MYO3B: variants seen among roughly 807,000 people sequenced by gnomAD.
MYO3B encodes the protein myosin-IIIb.
Under a neutral mutation model 174.6 loss-of-function variants are expected in MYO3B, and 156 were observed. That is an observed-to-expected ratio of 0.89 (90% confidence interval 0.78 to 1.02). MYO3B has a LOEUF of 1.02. Ranked by LOEUF, MYO3B falls within the 50% of genes least tolerant of loss-of-function variation. MYO3B has a pLI of 0.00. For synonymous variants in MYO3B, 563 were observed against 569.1 expected (o/e 0.99, Z 0.15); for missense variants, 1,632 against 1,639.4 (o/e 1.00, Z 0.08).
chr2:170,374,462 C>A (rs1213083327), intron 9 of MYO3B, among the ~76,000 whole-genome samples: 1 of 152,038 alleles, frequency 6.6e-6, no homozygotes, highest in East Asian at 1.9e-4. Context: ...AGCTTGTGGG[C>A]AACTTCGGTG....
intron 32 of MYO3B, among the ~76,000 whole-genome samples, chr2:170,546,916 T>C (rs897443947): frequency 6.6e-6 from 1 of 151,762 alleles, no homozygotes; most frequent in Non-Finnish European, 1.5e-5. Context: ...GAGGTGAGAG[T>C]GAGAGGCAGG....
At position 170,645,767 on chromosome 2, in the gene MYO3B, T is replaced by C. The variant is rs551760125; in HGVS notation, c.3734-5861T>C. 5.9e-5 allele frequency among the ~76,000 whole-genome samples: 9 copies of C among 152,348 alleles called. No individual in the cohort carries two copies. The South Asian group carries it at 1.7e-3, about 28-fold the overall frequency. ...CAAGGGAAAAATCATGATAAACTTC[T>C]TAATGCATGTACAAGCATAGATTTA... On this transcript the variant is annotated intron_variant, in intron 32 of 34. Coordinates refer to ENST00000408978, the MANE Select transcript of MYO3B (RefSeq NM_138995.5).
chr2:170,578,628 A>G (rs1467426001), intron 32 of MYO3B, among the ~76,000 whole-genome samples: 3 of 152,234 alleles, frequency 2.0e-5, no homozygotes, highest in African/African-American at 4.8e-5. Context: ...AATGTATTCA[A>G]CGTCCTAGTG....
chr2:170,292,727 G>A (rs1251690481), intron 7 of MYO3B, among the ~76,000 whole-genome samples: 1 of 152,130 alleles, frequency 6.6e-6, no homozygotes, highest in Non-Finnish European at 1.5e-5. Context: ...AGGCTGGGTA[G>A]GGGTTCATGT....
Position 170,369,283 on chromosome 2 carries a change from A to G in MYO3B, c.877A>G (p.Ile293Val), listed in dbSNP as rs757931168. Residue 293 changes from isoleucine (I) to valine (V), a missense_variant, in exon 9 of 35, where the codon ATT becomes GTT. Coordinates refer to ENST00000408978, the MANE Select transcript of MYO3B (RefSeq NM_138995.5). ...SVTHLLDHPF[I>V]KGVHGKVLFL... is the part of the protein sequence containing the mutation. ...CACACATCTCCTTGACCACCCATTT[A>G]TTAAAGGAGTACATGGAAAAGTTCT... The G allele has an allele frequency of 1.4e-5, 22 of 1,613,760 alleles. No individual in the cohort carries two copies. The highest frequency in any genetic ancestry group is 1.9e-5 in the Non-Finnish European group (22 of 1,179,830).
intron 32 of MYO3B, among the ~76,000 whole-genome samples, chr2:170,615,036 C>T (rs1224130916): frequency 6.6e-6 from 1 of 152,150 alleles, no homozygotes; most frequent in Non-Finnish European, 1.5e-5. Flanking sequence ...GACCTCCCTG[C>T]CTCTCTGTAG....
At chr2:170,245,218 T>C (rs919431596) in intron 7 of MYO3B, among the ~76,000 whole-genome samples, 13 of 152,136 alleles carry the variant, frequency 8.5e-5, no homozygotes, top group African/African-American at 2.7e-4. Flanking sequence ...TCCCACAATG[T>C]CTTAGTCGTT....
intron 24 of MYO3B, among the ~76,000 whole-genome samples, chr2:170,465,080 C>T (rs1033227609): frequency 2.0e-5 from 3 of 151,518 alleles, no homozygotes; most frequent in African/African-American, 7.3e-5. Flanking sequence ...ACCATGTTGG[C>T]CAGTCCGGTC....
chr2:170,291,713 G>GTTTTTT (rs71006079), intron 7 of MYO3B, among the ~76,000 whole-genome samples: 249 of 150,074 alleles, frequency 1.7e-3, no homozygotes, highest in South Asian at 7.1e-3. Flanking sequence ...TGGATGACAG[G>GTTTTTT]TTTTTTTTAT....
intron 8 of MYO3B, chr2:170,350,918 A>AT (rs2094061794): frequency 6.6e-6 from 1 of 152,158 alleles, no homozygotes; most frequent in African/African-American, 2.4e-5. Context: ...TGTAAAGGTG[A>AT]TGCCTTAGGT....
chr2:170,424,592 G>A (rs993358046), intron 22 of MYO3B, among the ~76,000 whole-genome samples: 1 of 152,014 alleles, frequency 6.6e-6, no homozygotes, highest in Admixed American at 6.5e-5. Context: ...CTGGGCAAAA[G>A]AGGAAGACTC....
intron 1 of MYO3B, among the ~76,000 whole-genome samples, chr2:170,197,313 G>T (rs1465034479): frequency 6.6e-6 from 1 of 152,174 alleles, no homozygotes; most frequent in Non-Finnish European, 1.5e-5. Context: ...TTACTGCAAT[G>T]CCATGAATTG....
At chr2:170,522,269 A>C (rs1688715504) in intron 30 of MYO3B, among the ~76,000 whole-genome samples, 1 of 152,032 alleles carries the variant, frequency 6.6e-6, no homozygotes, top group African/African-American at 2.4e-5. Flanking sequence ...TATATTCCTG[A>C]TTCACACACC....
At chr2:170,184,724 T>C (rs2092442604) in intron 1 of MYO3B, among the ~76,000 whole-genome samples, 1 of 152,164 alleles carries the variant, frequency 6.6e-6, no homozygotes, top group Non-Finnish European at 1.5e-5. Flanking sequence ...TGCTGAATCA[T>C]ATGGTAGTTT....
intron 9 of MYO3B, among the ~76,000 whole-genome samples, chr2:170,373,501 A>T (rs1034013799): frequency 6.6e-6 from 1 of 152,218 alleles, no homozygotes; most frequent in African/African-American, 2.4e-5. Flanking sequence ...AAAGGTAAGG[A>T]ACGTTCAGTC....
At chr2:170,432,462 A>G (rs186381301) in intron 22 of MYO3B, among the ~76,000 whole-genome samples, 16 of 152,192 alleles carry the variant, frequency 1.1e-4, no homozygotes, top group African/African-American at 2.9e-4. Context: ...ACATCTTACA[A>G]TGTGTGTTTT....
intron 8 of MYO3B, among the ~76,000 whole-genome samples, chr2:170,362,365 C>G (rs573698420): frequency 6.6e-6 from 1 of 152,268 alleles, no homozygotes; most frequent in Admixed American, 6.5e-5. Flanking sequence ...TTACTGTGGA[C>G]CTTTGGTGCT....
At chr2:170,275,847 A>C (rs2093460550) in intron 7 of MYO3B, among the ~76,000 whole-genome samples, 1 of 152,224 alleles carries the variant, frequency 6.6e-6, no homozygotes, top group Admixed American at 6.6e-5. Context: ...TTGTTCACAC[A>C]GAAAAAAACA....
chr2:170,215,863 A>G (rs922433212), intron 5 of MYO3B, among the ~76,000 whole-genome samples: 2 of 152,182 alleles, frequency 1.3e-5, no homozygotes, highest in Admixed American at 1.3e-4. Context: ...AAACAGACTG[A>G]AAGGATGAGG....
Sources: allele counts gnomAD v4.1 joint callset (sites outside exome capture counted in the v4.1 genomes callset), GRCh38; gene constraint gnomAD v4.1.1; transcripts MANE v1.5; gene names NCBI Gene and HGNC (gene_info 2026-07-23, HGNC 2026-07-21).